BCORL1: variants seen among roughly 807,000 people sequenced by gnomAD.
BCORL1 encodes BCL6 corepressor like 1, also known as BCL-6 corepressor-like protein 1.
A neutral mutation model predicts 87.6 loss-of-function variants in BCORL1; 7 were observed. The ratio of observed to expected loss-of-function variants is 0.08; its 90% CI spans 0.05 to 0.15. The LOEUF (loss-of-function observed/expected upper bound fraction) is 0.15, where lower values mean the gene tolerates loss of function less well. Ranked by LOEUF, BCORL1 falls within the 10% of genes least tolerant of loss-of-function variation. The probability of loss-of-function intolerance (pLI) is 1.00; values close to 1 mark genes in which losing one functional copy is unlikely to be tolerated. For missense variants in BCORL1, 1,215 were observed against 1,499.7 expected, an observed-to-expected ratio of 0.81 and a Z score of 3.13; for synonymous variants, 591 against 634.4, an observed-to-expected ratio of 0.93 and a Z score of 1.03.
Position 130,015,791 on chromosome X carries a change from C to A in BCORL1, c.3019C>A (p.Pro1007Thr), listed in dbSNP as rs770210399. 2.1e-5 allele frequency: 25 copies of A among 1,210,120 alleles called. No individual in the cohort carries two copies. The African/African-American group carries it at 3.8e-4, about 19-fold the overall frequency. The change falls in exon 4 of 14, where the codon CCT becomes ACT. Residue 1007 changes from proline to threonine, a missense_variant. Physicochemically the swap from Pro to Thr is conservative, Grantham distance 38. This residue lies in a region of BCORL1 where 861 missense variants were observed against 1,010.0 expected (regional missense o/e 0.85). Coordinates refer to ENST00000540052, the MANE Select transcript of BCORL1 (RefSeq NM_001379451.1). Reference sequence around the variant, plus strand: ...CACCCCCCAGAACCTGCCTAAGATGCCTGAGCTGCCTTTGCTACCTCACGA... The same window carrying A: ...CACCCCCCAGAACCTGCCTAAGATGACTGAGCTGCCTTTGCTACCTCACGA... Reference protein sequence around the residue: ...LATPQNLPKMPELPLLPHDSH... With the variant: ...LATPQNLPKMTELPLLPHDSH...
At chrX:129,987,434 G>T (rs1006344208) in intron 1 of BCORL1, among the ~76,000 whole-genome samples, 8 of 112,053 alleles carry the variant, frequency 7.1e-5, no homozygotes, top group African/African-American at 2.6e-4. Flanking sequence ...CCCTGAGAGG[G>T]CCCAGGAAGC....
At chrX:130,004,749 G>A (rs1170870380) in intron 1 of BCORL1, among the ~76,000 whole-genome samples, 2 of 112,001 alleles carry the variant, frequency 1.8e-5, no homozygotes, top group Admixed American at 9.5e-5. Context: ...AATTGGCTAC[G>A]TCACTCAAAT....
intron 13 of BCORL1, among the ~76,000 whole-genome samples, chrX:130,053,679 C>G (rs781636892): frequency 8.9e-6 from 1 of 111,830 alleles, no homozygotes; most frequent in South Asian, 3.7e-4. Flanking sequence ...CGCTCTAGAG[C>G]TGCCTTTCCC....
chrX:130,020,217 T>C (rs746716997), intron 4 of BCORL1, among the ~76,000 whole-genome samples: 1 of 112,224 alleles, frequency 8.9e-6, no homozygotes, highest in Admixed American at 9.4e-5. Context: ...CATGGGATTG[T>C]GTGTTACCCT....
In BCORL1 at chrX:130,021,565, A is replaced by G. The variant is rs2047139525; in HGVS notation, c.3607+415A>G. 2.7e-5 allele frequency among the ~76,000 whole-genome samples: 3 copies of G among 112,441 alleles called. No individual in the cohort carries two copies. In the Admixed American group the frequency reaches 2.8e-4, roughly 11 times the overall value. ...AAAGGACAAAAATAAATAGCTAGTT[A>G]GCTAGGAGAGTTTAGAGAAATCTTA... On this transcript the variant is annotated intron_variant, in intron 5 of 13. Transcript: ENST00000540052.
intron 2 of BCORL1, among the ~76,000 whole-genome samples, chrX:130,006,363 C>CTT (rs745389879): frequency 1.0e-5 from 1 of 97,684 alleles, no homozygotes; most frequent in Admixed American, 1.1e-4. Context: ...CTCTCATTTT[C>CTT]TTTTTTTTTT....
intron 1 of BCORL1, among the ~76,000 whole-genome samples, chrX:130,001,194 A>G (rs7049309): frequency 0.11 from 11,640 of 110,784 alleles, 1,519 homozygotes; most frequent in African/African-American, 0.36. Flanking sequence ...AGGTTCAAGC[A>G]ATTCTCCTGC....
At chrX:130,008,962 C>CAT (rs1354128557) in intron 2 of BCORL1, among the ~76,000 whole-genome samples, 1 of 112,026 alleles carries the variant, frequency 8.9e-6, no homozygotes, top group Admixed American at 9.5e-5. Context: ...ATTTATTCAA[C>CAT]ATAATGAGAG....
intron 7 of BCORL1, 43 bp downstream of exon 7, chrX:130,025,422 G>T: frequency 1.8e-6 from 2 of 1,107,045 alleles, no homozygotes; most frequent in Non-Finnish European, 2.4e-6. Flanking sequence ...GGCCCGTTTG[G>T]CTTCTGGGAA....
intron 11 of BCORL1, among the ~76,000 whole-genome samples, chrX:130,047,728 C>T (rs970826947): frequency 9.0e-6 from 1 of 111,525 alleles, no homozygotes; most frequent in African/African-American, 3.3e-5. Flanking sequence ...TTTCTAGTCT[C>T]GCCTTGTAGG....
At chrX:130,037,600 T>A in intron 10 of BCORL1, 67 bp downstream of exon 10, 1 of 1,108,381 alleles carries the variant, frequency 9.0e-7, no homozygotes, top group Non-Finnish European at 1.2e-6. Context: ...TCAAAAGACC[T>A]TGCCTGCCGC....
intron 1 of BCORL1, among the ~76,000 whole-genome samples, chrX:130,003,406 C>G (rs1365744991): frequency 9.8e-6 from 1 of 102,313 alleles, no homozygotes. Flanking sequence ...GAGTTTCACT[C>G]TTGTTGCCCA....
rs1371527624 is a variant in BCORL1, at chrX:130,057,159, A to T, written c.*1023A>T. ...CACCCCCATCCCTGCCCCTTCTGAGACTCACAGCACCCCTTTCCTTCCTCT... is the reference window on the plus strand; with the variant it reads ...CACCCCCATCCCTGCCCCTTCTGAGTCTCACAGCACCCCTTTCCTTCCTCT... On this transcript the variant is annotated 3_prime_UTR_variant, in exon 14 of 14. Transcript: ENST00000540052. The T allele has an allele frequency of 9.5e-6, 1 of 105,726 alleles. No individual in the cohort carries two copies. The highest frequency in any genetic ancestry group is 1.9e-5 in the Non-Finnish European group (1 of 51,407). The allele number at this position is 105,726 out of a possible 1,213,427, so 8.7% of individuals were successfully genotyped here.
At chrX:130,022,492 C>T (rs1416648837) in intron 5 of BCORL1, among the ~76,000 whole-genome samples, 1 of 109,795 alleles carries the variant, frequency 9.1e-6, no homozygotes, top group East Asian at 2.9e-4. Context: ...AGGTGATCCA[C>T]CCACCTCGGC....
intron 1 of BCORL1, among the ~76,000 whole-genome samples, chrX:129,991,317 G>A (rs1436522835): frequency 4.8e-4 from 53 of 110,487 alleles, no homozygotes; most frequent in Non-Finnish European, 8.2e-4. Flanking sequence ...ATGGGGTTTT[G>A]CCATGTTGGC....
intron 1 of BCORL1, among the ~76,000 whole-genome samples, chrX:129,992,883 G>A (rs757925228): frequency 1.4e-4 from 16 of 110,784 alleles, no homozygotes; most frequent in African/African-American, 3.3e-4. Context: ...GAAAAATTGC[G>A]TATCATGAAT....
At chrX:129,985,191 CA>C (rs1926498789) in intron 1 of BCORL1, among the ~76,000 whole-genome samples, 1 of 112,101 alleles carries the variant, frequency 8.9e-6, no homozygotes, top group Non-Finnish European at 1.9e-5. Context: ...CGTTGAGTTA[CA>C]TGGGAAAATA....
At chrX:130,004,644 C>A (rs1244355007) in intron 1 of BCORL1, among the ~76,000 whole-genome samples, 1 of 111,835 alleles carries the variant, frequency 8.9e-6, no homozygotes, top group African/African-American at 3.2e-5. Context: ...GAGCTTGAAA[C>A]CAGGTTAGAT....
intron 13 of BCORL1, among the ~76,000 whole-genome samples, chrX:130,053,063 C>G (rs1326931536): frequency 1.8e-5 from 2 of 112,008 alleles, no homozygotes; most frequent in Admixed American, 9.5e-5. Context: ...TCGCCTGAAC[C>G]TGTGAGGCGG....
Sources: allele counts gnomAD v4.1 joint callset (sites outside exome capture counted in the v4.1 genomes callset), GRCh38; gene constraint gnomAD v4.1.1; regional missense constraint gnomAD v4.1.1; transcripts MANE v1.5; gene names NCBI Gene and HGNC (gene_info 2026-07-23, HGNC 2026-07-21).